The following MYO16 variants were observed in gnomAD, a reference collection of about 807,000 sequenced individuals.
The protein encoded by MYO16 is unconventional myosin-XVI.
A neutral mutation model predicts 205.3 loss-of-function variants in MYO16; 94 were observed. That is an observed-to-expected ratio of 0.46 (90% CI 0.39 to 0.54). The LOEUF (loss-of-function observed/expected upper bound fraction) is 0.54, where lower values mean the gene tolerates loss of function less well. Ranked by LOEUF, MYO16 falls within the 20% of genes least tolerant of loss-of-function variation. The pLI is 0.00. For synonymous variants in MYO16, 988 were observed against 954.0 expected (o/e 1.04, Z -0.66); for missense variants, 2,315 against 2,387.5 (o/e 0.97, Z 0.63).
At chr13:109,164,035 A>C (rs1878521596) in intron 32 of MYO16, 1 of 152,224 alleles carries the variant, frequency 6.6e-6, no homozygotes. Context: ...AAAAGTCTCC[A>C]ATAGGTTGCA....
At chr13:109,115,688 A>C (rs1875645140) in intron 28 of MYO16, among the ~76,000 whole-genome samples, 1 of 152,238 alleles carries the variant, frequency 6.6e-6, no homozygotes, top group African/African-American at 2.4e-5. Flanking sequence ...ACAGGAAAAA[A>C]AAATCAAAAA....
intron 4 of MYO16, among the ~76,000 whole-genome samples, chr13:108,750,470 A>G (rs1206427153): frequency 6.6e-6 from 1 of 152,096 alleles, no homozygotes; most frequent in Non-Finnish European, 1.5e-5. Flanking sequence ...TGGTGGAGGT[A>G]TGAGTTAACA....
At chr13:109,205,404 C>T (rs891265127) in intron 34 of MYO16, among the ~76,000 whole-genome samples, 1 of 152,270 alleles carries the variant, frequency 6.6e-6, no homozygotes, top group Admixed American at 6.5e-5. Flanking sequence ...TGACTGTTTT[C>T]TACATAAGTG....
chr13:108,863,293 T>A (rs1017897972), intron 11 of MYO16, among the ~76,000 whole-genome samples: 1 of 152,120 alleles, frequency 6.6e-6, no homozygotes, highest in Non-Finnish European at 1.5e-5. Flanking sequence ...AAGCTTTGAG[T>A]GTTTCATCAT....
chr13:108,603,101 A>G (rs540123708), intron 1 of MYO16, among the ~76,000 whole-genome samples: 50 of 152,340 alleles, frequency 3.3e-4, no homozygotes, highest in South Asian at 1.7e-3. Flanking sequence ...GTTTTAAAAA[A>G]TATATTCCAA....
chr13:108,890,029 T>G (rs1193449519), intron 14 of MYO16, among the ~76,000 whole-genome samples: 1 of 151,758 alleles, frequency 6.6e-6, no homozygotes, highest in Non-Finnish European at 1.5e-5. Flanking sequence ...CTTCCTGGGC[T>G]CAAGTGATCC....
At chr13:108,882,979 G>A (rs1879691251) in intron 12 of MYO16, 80 bp from the exon 13 acceptor site, 1 of 1,548,602 alleles carries the variant, frequency 6.5e-7, no homozygotes, top group Admixed American at 1.9e-5. Context: ...ATCTTGGACA[G>A]AAGTCACTCT....
intron 20 of MYO16, among the ~76,000 whole-genome samples, chr13:108,977,719 C>T (rs1284059517): frequency 6.6e-6 from 1 of 152,162 alleles, no homozygotes; most frequent in Non-Finnish European, 1.5e-5. Context: ...CTTTACCCCT[C>T]TCTAGATTTT....
At chr13:108,504,526 C>T in the MYO16 span, among the ~76,000 whole-genome samples, 16 of 151,958 alleles carry the variant, frequency 1.1e-4, no homozygotes, top group South Asian at 3.1e-3. Context: ...TAACCACATT[C>T]TCTCTCTCTC....
At chr13:108,623,959 A>C (rs1050366371) in intron 1 of MYO16, among the ~76,000 whole-genome samples, 1 of 152,222 alleles carries the variant, frequency 6.6e-6, no homozygotes, top group African/African-American at 2.4e-5. Context: ...AATCAAGAAC[A>C]GTTTGTAGAT....
intron 13 of MYO16, among the ~76,000 whole-genome samples, chr13:108,888,169 A>G (rs1167870662): frequency 6.6e-6 from 1 of 152,240 alleles, no homozygotes; most frequent in African/African-American, 2.4e-5. Flanking sequence ...GGTATTTCAG[A>G]CAAATGAATC....
At chr13:108,704,240 A>ATT (rs1421108163) in intron 2 of MYO16, among the ~76,000 whole-genome samples, 1 of 152,260 alleles carries the variant, frequency 6.6e-6, no homozygotes, top group East Asian at 1.9e-4. Flanking sequence ...TCAAAAAATG[A>ATT]ATCACAATAG....
intron 23 of MYO16, among the ~76,000 whole-genome samples, chr13:109,022,621 T>C (rs1886104740): frequency 7.4e-6 from 1 of 135,758 alleles, no homozygotes; most frequent in South Asian, 2.3e-4. Context: ...TAAACATATG[T>C]ATATATATTA....
chr13:108,858,702 A>G (rs556735396), intron 11 of MYO16, among the ~76,000 whole-genome samples: 3 of 152,132 alleles, frequency 2.0e-5, no homozygotes, highest in Non-Finnish European at 4.4e-5. Context: ...TCTATTCTCA[A>G]CACAAAAATT....
At chr13:109,157,271 CTTA>C (rs1878111789) in intron 32 of MYO16, among the ~76,000 whole-genome samples, 1 of 113,320 alleles carries the variant, frequency 8.8e-6, no homozygotes, top group Non-Finnish European at 1.8e-5. Flanking sequence ...AAAAAAAAAC[CTTA>C]TTCTTCACAG....
At chr13:108,971,531 C>A (rs2139390158) in intron 20 of MYO16, among the ~76,000 whole-genome samples, 1 of 151,046 alleles carries the variant, frequency 6.6e-6, no homozygotes, top group East Asian at 1.9e-4. Context: ...ATATGACATC[C>A]ACTTTTTTGG....
chr13:108,753,627 AC>A (rs1196893794), intron 4 of MYO16, among the ~76,000 whole-genome samples: 5 of 152,294 alleles, frequency 3.3e-5, no homozygotes, highest in Non-Finnish European at 7.4e-5. Context: ...AAATGTATTT[AC>A]TTTTTAAATT....
At chr13:108,908,616 A>G (rs1406850057) in intron 15 of MYO16, among the ~76,000 whole-genome samples, 1 of 152,180 alleles carries the variant, frequency 6.6e-6, no homozygotes, top group Non-Finnish European at 1.5e-5. Context: ...CCTCACCCAA[A>G]TAATATTGAC....
chr13:108,648,580 A>G (rs1305375486), intron 1 of MYO16, among the ~76,000 whole-genome samples: 1 of 150,908 alleles, frequency 6.6e-6, no homozygotes, highest in African/African-American at 2.4e-5. Context: ...ATAATATATA[A>G]TAAATATTCT....
Sources: gnomAD v4.1 joint callset for allele counts (sites outside exome capture counted in the v4.1 genomes callset) on GRCh38, gnomAD v4.1.1 for gene constraint, MANE v1.5 for transcripts, NCBI Gene and HGNC (gene_info 2026-07-23, HGNC 2026-07-21) for gene names.